Variants in PTPDC1 observed in about 807,000 individuals in gnomAD.
The protein encoded by PTPDC1 is protein tyrosine phosphatase domain containing 1, also known as protein tyrosine phosphatase domain-containing protein 1.
Under a neutral mutation model 75.3 loss-of-function variants are expected in PTPDC1, and 53 were observed. That is an observed-to-expected ratio of 0.70 (90% CI 0.56 to 0.88). The LOEUF is 0.88. Ranked by LOEUF, PTPDC1 falls within the 40% of genes least tolerant of loss-of-function variation. PTPDC1 has a pLI of 0.00. For missense variants in PTPDC1, 925 were observed against 998.6 expected, an observed-to-expected ratio of 0.93 and a Z score of 0.99; for synonymous variants, 349 against 366.2, an observed-to-expected ratio of 0.95 and a Z score of 0.54.
chr9:94,082,649 G>T (rs1311054165), upstream of PTPDC1, among the ~76,000 whole-genome samples: 1 of 152,118 alleles, frequency 6.6e-6, no homozygotes, highest in African/African-American at 2.4e-5. Flanking sequence ...GCACCTCATT[G>T]TTGGGAACAC....
At chr9:94,103,111 C>T (rs148302034) in intron 7 of PTPDC1, among the ~76,000 whole-genome samples, 2,256 of 152,096 alleles carry the variant, frequency 0.015, 41 homozygotes, top group African/African-American at 0.051. Flanking sequence ...CAGACATGTG[C>T]GTGCCTGCAC....
intron 2 of PTPDC1, among the ~76,000 whole-genome samples, chr9:94,065,852 T>TGATGTCTAGTGGCTGCTTCCCTTCTA (rs1164142954): frequency 1.3e-5 from 2 of 152,208 alleles, no homozygotes; most frequent in Admixed American, 1.3e-4. Context: ...AACACAAGAA[T>TGATGTCTAGTGGCTGCTTCCCTTCTA]GATGTCTAGT....
intron 8 of PTPDC1, among the ~76,000 whole-genome samples, chr9:94,107,151 G>C (rs1471829380): frequency 6.6e-6 from 1 of 151,912 alleles, no homozygotes; most frequent in Admixed American, 6.6e-5. Context: ...ATGAGGTTTT[G>C]CCATGTTGCC....
intron 2 of PTPDC1, among the ~76,000 whole-genome samples, chr9:94,076,739 A>G (rs1412107978): frequency 6.6e-6 from 1 of 152,144 alleles, no homozygotes; most frequent in African/African-American, 2.4e-5. Flanking sequence ...CTGTTTAATC[A>G]TTTGAGGAAC....
At chr9:94,087,984 T>C (rs1037782607) in intron 3 of PTPDC1, 73 bp downstream of exon 3, 2 of 1,492,436 alleles carry the variant, frequency 1.3e-6, no homozygotes, top group African/African-American at 2.8e-5. Context: ...TTGTTTCAAG[T>C]GAAAGAGTGC....
chr9:94,091,829 G>C (rs888002323), intron 4 of PTPDC1, among the ~76,000 whole-genome samples: 3 of 152,018 alleles, frequency 2.0e-5, no homozygotes, highest in Non-Finnish European at 2.9e-5. Flanking sequence ...TATGTGCAGA[G>C]GAATTTATCC....
chr9:94,054,995 C>T (rs886457997), intron 1 of PTPDC1, among the ~76,000 whole-genome samples: 1 of 152,176 alleles, frequency 6.6e-6, no homozygotes, highest in Non-Finnish European at 1.5e-5. Flanking sequence ...TTATAAAAAG[C>T]CAATTGTCCT....
At chr9:94,038,668 A>G (rs1368139570) in intron 1 of PTPDC1, among the ~76,000 whole-genome samples, 3 of 152,328 alleles carry the variant, frequency 2.0e-5, no homozygotes, top group East Asian at 3.9e-4. Flanking sequence ...TTGGTTTTAT[A>G]TTTAGATTTA....
At chr9:94,106,928 C>A (rs1419910015) in intron 8 of PTPDC1, among the ~76,000 whole-genome samples, 3 of 148,696 alleles carry the variant, frequency 2.0e-5, no homozygotes, top group Admixed American at 6.7e-5. Flanking sequence ...TTTACTTTAT[C>A]AAGGTGGGGT....
In PTPDC1 at chr9:94,084,747, C is replaced by T; in HGVS notation, c.217C>T (p.Pro73Ser). 6.3e-7 allele frequency: 1 copy of T among 1,582,358 alleles called. No individual in the cohort carries two copies. The highest frequency in any genetic ancestry group is 8.6e-7 in the Non-Finnish European group (1 of 1,167,590). Residue 73 changes from proline (P) to serine (S), a missense_variant, in exon 1 of 9, where the codon CCA becomes TCA. Coordinates refer to ENST00000620992, the MANE Select transcript of PTPDC1 (RefSeq NM_001253829.2). ...VSSVSHAEGN[P>S]TFPERKSKGN... ...CTCAGTCAGCCATGCAGAGGGAAAC[C>T]CAACTTTCCCCGAAAGAAAAAGTAA...
In PTPDC1 at chr9:94,095,462, C is replaced by T; in HGVS notation, c.754+8C>T. 6.2e-7 allele frequency: 1 copy of T among 1,602,988 alleles called. No individual in the cohort carries two copies. ...CAGGGCTTGGTCGAACAGGTAGGTC[C>T]TAAGAGGTGGTTTATTGCCTGTAGG... On this transcript the variant is annotated splice_region_variant and intron_variant, in intron 5 of 8. Transcript: ENST00000620992.
chr9:94,063,178 G>A (rs2117862206), intron 1 of PTPDC1, among the ~76,000 whole-genome samples: 1 of 152,254 alleles, frequency 6.6e-6, no homozygotes, highest in Non-Finnish European at 1.5e-5. Flanking sequence ...ACCTTCTCTG[G>A]GACATGGTTC....
At chr9:94,032,450 A>G (rs1232674030) in intron 1 of PTPDC1, among the ~76,000 whole-genome samples, 1 of 152,168 alleles carries the variant, frequency 6.6e-6, no homozygotes, top group Non-Finnish European at 1.5e-5. Flanking sequence ...TTCTCCTCCC[A>G]AACAGAGATT....
chr9:94,103,554 G>A (rs749890422), intron 7 of PTPDC1, among the ~76,000 whole-genome samples: 7 of 152,208 alleles, frequency 4.6e-5, no homozygotes, highest in Admixed American at 6.5e-5. Context: ...TTTCATAGGC[G>A]TCATTGTAAT....
At chr9:94,038,066 C>G in intron 1 of PTPDC1, 1 of 516,190 alleles carries the variant, frequency 1.9e-6, no homozygotes, top group Non-Finnish European at 3.7e-6. Context: ...GATTTTTGTT[C>G]AGAAGTGTGC....
intron 1 of PTPDC1, among the ~76,000 whole-genome samples, 186 bp downstream of exon 1, chr9:94,084,960 T>A (rs534013310): frequency 3.2e-4 from 48 of 152,362 alleles, no homozygotes; most frequent in African/African-American, 1.0e-3. Context: ...TGTGTTTTTT[T>A]ATTAAAAATA....
intron 1 of PTPDC1, among the ~76,000 whole-genome samples, chr9:94,053,189 A>C (rs1340012627): frequency 1.3e-5 from 2 of 152,150 alleles, no homozygotes; most frequent in East Asian, 3.8e-4. Context: ...GTGTGAAATC[A>C]CAGAAGCCAG....
At chr9:94,065,036 A>G (rs905703936) in intron 2 of PTPDC1, among the ~76,000 whole-genome samples, 3 of 152,238 alleles carry the variant, frequency 2.0e-5, no homozygotes, top group Non-Finnish European at 4.4e-5. Flanking sequence ...TATTGCAAAC[A>G]GTGTTTGTCT....
At chr9:94,042,393 A>G (rs968133059) in intron 1 of PTPDC1, among the ~76,000 whole-genome samples, 1 of 152,198 alleles carries the variant, frequency 6.6e-6, no homozygotes, top group Non-Finnish European at 1.5e-5. Flanking sequence ...TTGGTTCCAG[A>G]CCACCACAAT....
Sources: allele counts gnomAD v4.1 joint callset (sites outside exome capture counted in the v4.1 genomes callset), GRCh38; gene constraint gnomAD v4.1.1; transcripts MANE v1.5; gene names NCBI Gene and HGNC (gene_info 2026-07-23, HGNC 2026-07-21).